GTF2E1: variants seen among roughly 807,000 people sequenced by gnomAD.
The protein encoded by GTF2E1 is TFIIE alpha subunit.
In GTF2E1, 14 loss-of-function variants were observed where a neutral mutation model predicts 34.9. The ratio of observed to expected loss-of-function variants is 0.40; its 90% CI spans 0.27 to 0.63. The LOEUF is 0.63. Ranked by LOEUF, GTF2E1 falls within the 20% of genes least tolerant of loss-of-function variation. The probability of loss-of-function intolerance (pLI) is 0.39; values close to 1 mark genes in which losing one functional copy is unlikely to be tolerated. For missense variants in GTF2E1, 469 were observed against 557.7 expected (o/e 0.84, Z 1.60); for synonymous variants, 188 against 192.9 (o/e 0.97, Z 0.21).
chr3:120,760,768 A>G (rs1421385922), intron 2 of GTF2E1, among the ~76,000 whole-genome samples: 1 of 152,168 alleles, frequency 6.6e-6, no homozygotes, highest in Non-Finnish European at 1.5e-5. Context: ...CATCCCAGCG[A>G]TGAAGCCGAC....
chr3:120,781,260 A>G lies in GTF2E1; in HGVS notation c.1110A>G (p.Ala370=). Residue 370 remains alanine (A), a synonymous_variant, in exon 5 of 5, where the codon GCA becomes GCG. Transcript: ENST00000283875. ...ESDDDSPPRP[A]AVAVHKREED... is the part of the protein sequence containing the mutation. ...ATGATGATTCTCCACCCCGTCCGGCAGCTGTGGCTGTGCATAAACGAGAAG... is the reference window on the plus strand; with the variant it reads ...ATGATGATTCTCCACCCCGTCCGGCGGCTGTGGCTGTGCATAAACGAGAAG... 1 of 1,614,170 alleles carries G rather than the reference A, an allele frequency of 6.2e-7. No homozygotes were observed. The highest frequency in any genetic ancestry group is 1.7e-5 in the Admixed American group (1 of 60,020).
At chr3:120,780,426 G>A (rs771927438) in intron 4 of GTF2E1, among the ~76,000 whole-genome samples, 3 of 152,180 alleles carry the variant, frequency 2.0e-5, no homozygotes, top group Non-Finnish European at 4.4e-5. Context: ...AATATTCCAG[G>A]CAGAGGGAAC....
At position 120,749,256 on chromosome 3, in the gene GTF2E1, G is replaced by C. The variant is rs527723791; in HGVS notation, c.-30-1267G>C. On this transcript the variant is annotated intron_variant, in intron 1 of 4. Transcript: ENST00000283875. ...TGAATACCCTTTATTTCCTTCTCCTGCCTGATTGCCCTGGCCAGAACTTCC... is the reference window on the plus strand; with the variant it reads ...TGAATACCCTTTATTTCCTTCTCCTCCCTGATTGCCCTGGCCAGAACTTCC... 4.9e-4 allele frequency among the ~76,000 whole-genome samples: 74 copies of C among 152,022 alleles called. 1 individual carries two copies. Among genetic ancestry groups the C allele is most frequent in the African/African-American group, 1.8e-3 (73 of 41,472 alleles).
At chr3:120,772,702 A>G (rs1709363650) in intron 3 of GTF2E1, among the ~76,000 whole-genome samples, 1 of 152,114 alleles carries the variant, frequency 6.6e-6, no homozygotes, top group South Asian at 2.1e-4. Flanking sequence ...ATACTATCTG[A>G]ATTATTCTGA....
intron 2 of GTF2E1, among the ~76,000 whole-genome samples, chr3:120,763,975 C>T (rs1161035584): frequency 6.6e-6 from 1 of 152,188 alleles, no homozygotes; most frequent in East Asian, 1.9e-4. Flanking sequence ...ATCATTATTC[C>T]CATGTTCACA....
chr3:120,774,323 A>G (rs1032973906), intron 3 of GTF2E1, among the ~76,000 whole-genome samples: 1 of 152,172 alleles, frequency 6.6e-6, no homozygotes, highest in South Asian at 2.1e-4. Flanking sequence ...CAGAATGTAG[A>G]ATAAGCACAG....
At chr3:120,778,804 G>T (rs1027390307) in intron 4 of GTF2E1, among the ~76,000 whole-genome samples, 3 of 152,170 alleles carry the variant, frequency 2.0e-5, no homozygotes, top group Admixed American at 6.5e-5. Flanking sequence ...GTTCTTCTGT[G>T]CCTTGAATCC....
At chr3:120,750,247 A>G (rs1309771591) in intron 1 of GTF2E1, among the ~76,000 whole-genome samples, 2 of 152,226 alleles carry the variant, frequency 1.3e-5, no homozygotes, top group Non-Finnish European at 2.9e-5. Flanking sequence ...TCTGAAGTAA[A>G]GTAGACTTGA....
At chr3:120,745,872 G>A (rs1466346008) in intron 1 of GTF2E1, among the ~76,000 whole-genome samples, 5 of 152,138 alleles carry the variant, frequency 3.3e-5, no homozygotes, top group East Asian at 1.9e-4. Flanking sequence ...CTTTGGTGTC[G>A]AGCCCAGGTA....
At chr3:120,752,183 C>T (rs968785893) in intron 2 of GTF2E1, among the ~76,000 whole-genome samples, 66 of 152,134 alleles carry the variant, frequency 4.3e-4, no homozygotes, top group African/African-American at 1.2e-3. Flanking sequence ...TTGTCTGAGC[C>T]GAGCTTTTTA....
chr3:120,754,878 A>G (rs1709195384), intron 2 of GTF2E1, among the ~76,000 whole-genome samples: 1 of 152,196 alleles, frequency 6.6e-6, no homozygotes, highest in Non-Finnish European at 1.5e-5. Flanking sequence ...CTCAACAAAT[A>G]ATGTGTATGT....
chr3:120,770,544 T>A (rs1391669761), intron 2 of GTF2E1, among the ~76,000 whole-genome samples, 184 bp from the exon 3 acceptor site: 1 of 152,170 alleles, frequency 6.6e-6, no homozygotes, highest in Non-Finnish European at 1.5e-5. Flanking sequence ...TGGATAGATA[T>A]GTGATGAATA....
chr3:120,766,368 C>A (rs1417922892), intron 2 of GTF2E1, among the ~76,000 whole-genome samples: 1 of 152,178 alleles, frequency 6.6e-6, no homozygotes, highest in Non-Finnish European at 1.5e-5. Flanking sequence ...TCCTAACACC[C>A]TTCTGTGGCT....
chr3:120,748,272 A>G (rs1180766868), intron 1 of GTF2E1, among the ~76,000 whole-genome samples: 3 of 151,154 alleles, frequency 2.0e-5, no homozygotes, highest in Non-Finnish European at 4.5e-5. Flanking sequence ...CCATTTGTCA[A>G]TTTTGGCTTT....
chr3:120,747,402 T>C (rs966999450), intron 1 of GTF2E1, among the ~76,000 whole-genome samples: 1 of 152,004 alleles, frequency 6.6e-6, no homozygotes, highest in Non-Finnish European at 1.5e-5. Context: ...CCCCGCTCCC[T>C]CCTCCCCACA....
chr3:120,763,062 T>C (rs572084097), intron 2 of GTF2E1, among the ~76,000 whole-genome samples: 1 of 152,270 alleles, frequency 6.6e-6, no homozygotes, highest in East Asian at 1.9e-4. Flanking sequence ...TGGAGAATAA[T>C]ATTAATAATT....
chr3:120,771,128 T>C (rs920105179), intron 3 of GTF2E1, among the ~76,000 whole-genome samples, 199 bp downstream of exon 3: 1 of 152,146 alleles, frequency 6.6e-6, no homozygotes, highest in Non-Finnish European at 1.5e-5. Context: ...TGCAGAACAC[T>C]GTGGACTTCA....
intron 2 of GTF2E1, among the ~76,000 whole-genome samples, chr3:120,766,849 G>A (rs941041357): frequency 2.0e-5 from 3 of 152,054 alleles, no homozygotes; most frequent in Non-Finnish European, 4.4e-5. Flanking sequence ...TACATAGTAT[G>A]TGCTGGGTTT....
Position 120,757,371 on chromosome 3 carries a change from C to G in GTF2E1, c.448+6371C>G, listed in dbSNP as rs189318626. ...GAGGGTGAGGTTGTATTGTGTAAAT[C>G]ATTGATACATTTGATTCTGAATTTC... On this transcript the variant is annotated intron_variant, in intron 2 of 4. Coordinates refer to ENST00000283875, the MANE Select transcript of GTF2E1 (RefSeq NM_005513.3). 2.2e-4 allele frequency among the ~76,000 whole-genome samples: 34 copies of G among 152,242 alleles called. 1 individual carries two copies. Among genetic ancestry groups the G allele is most frequent in the Admixed American group, 2.2e-3 (34 of 15,300 alleles).
Sources: allele counts gnomAD v4.1 joint callset (sites outside exome capture counted in the v4.1 genomes callset), GRCh38; gene constraint gnomAD v4.1.1; transcripts MANE v1.5; gene names NCBI Gene and HGNC (gene_info 2026-07-23, HGNC 2026-07-21).